The following COL19A1 variants were observed in gnomAD, a reference collection of about 807,000 sequenced individuals.
COL19A1 encodes the protein collagen alpha-1(XIX) chain.
A neutral mutation model predicts 190.2 loss-of-function variants in COL19A1; 159 were observed. That is an observed-to-expected ratio of 0.84 (90% CI 0.73 to 0.95). The LOEUF (loss-of-function observed/expected upper bound fraction) is 0.95, where lower values mean the gene tolerates loss of function less well. COL19A1 is among the 40% of genes least tolerant of loss of function. The pLI is 0.00. For synonymous variants in COL19A1, 509 were observed against 458.9 expected (o/e 1.11, Z -1.39); for missense variants, 1,418 against 1,431.9 (o/e 0.99, Z 0.16).
chr6:69,907,115 T>A lies in COL19A1; in HGVS notation c.266+6777T>A, dbSNP rs896728715. On this transcript the variant is annotated intron_variant, in intron 4 of 50. Coordinates refer to ENST00000620364, the MANE Select transcript of COL19A1 (RefSeq NM_001858.6). The stretch of plus-strand genomic sequence containing the variant: ...AGATTATTATTATTATTATTTTTTT[T>A]TTTTTTTTTTTTTGAGACGGAGTCT... 3.4e-3 allele frequency among the ~76,000 whole-genome samples: 495 copies of A among 146,790 alleles called. 2 individuals carry two copies. The highest frequency in any genetic ancestry group is 4.4e-3 in the Non-Finnish European group (294 of 66,266).
At chr6:69,919,897 A>G (rs1355321361) in intron 4 of COL19A1, among the ~76,000 whole-genome samples, 1 of 152,120 alleles carries the variant, frequency 6.6e-6, no homozygotes, top group Non-Finnish European at 1.5e-5. Flanking sequence ...ATTTTTACCT[A>G]CCAAAATAGA....
At chr6:69,970,314 A>T (rs1030211489) in intron 11 of COL19A1, among the ~76,000 whole-genome samples, 1 of 152,206 alleles carries the variant, frequency 6.6e-6, no homozygotes, top group Non-Finnish European at 1.5e-5. Flanking sequence ...ACTGTGTCAA[A>T]ACATATTTTG....
Position 70,142,514 on chromosome 6 carries a change from C to G in COL19A1, c.1573-253C>G, listed in dbSNP as rs149089489. Among the ~76,000 whole-genome samples, 7 of 152,194 alleles carry G rather than the reference C, an allele frequency of 4.6e-5. No individual in the cohort carries two copies. In the East Asian group the frequency reaches 1.4e-3, roughly 29 times the overall value. On this transcript the variant is annotated intron_variant, in intron 22 of 50. Transcript: ENST00000620364. ...CAGGAGAAATTAATGTGGTGTACTC[C>G]CAGACAATGGGTAGGGCAAGTTACC...
chr6:70,037,982 C>T (rs1363234032), intron 14 of COL19A1, among the ~76,000 whole-genome samples: 1 of 152,108 alleles, frequency 6.6e-6, no homozygotes, highest in Admixed American at 6.6e-5. Flanking sequence ...GTATGCTTGA[C>T]ATTACTTTCT....
chr6:69,940,562 A>G (rs1299193523), intron 9 of COL19A1, among the ~76,000 whole-genome samples: 3 of 152,236 alleles, frequency 2.0e-5, no homozygotes, highest in Admixed American at 6.5e-5. Context: ...GTAACAATGC[A>G]TTATATGACT....
chr6:70,183,976 G>T (rs1430071508), intron 44 of COL19A1, among the ~76,000 whole-genome samples: 1 of 152,150 alleles, frequency 6.6e-6, no homozygotes, highest in African/African-American at 2.4e-5. Context: ...CCAGCCAATA[G>T]TTCTCTCAGT....
At chr6:69,956,980 A>C (rs1282248156) in intron 9 of COL19A1, among the ~76,000 whole-genome samples, 1 of 152,044 alleles carries the variant, frequency 6.6e-6, no homozygotes, top group Non-Finnish European at 1.5e-5. Context: ...GATAGTATGT[A>C]ACTTTCTACT....
intron 11 of COL19A1, among the ~76,000 whole-genome samples, chr6:69,999,917 A>C: frequency 6.6e-6 from 1 of 152,124 alleles, no homozygotes; most frequent in East Asian, 1.9e-4. Context: ...TTCAGGATAC[A>C]TGTACAGTAC....
At chr6:69,953,649 C>T (rs1229824286) in intron 9 of COL19A1, among the ~76,000 whole-genome samples, 1 of 151,992 alleles carries the variant, frequency 6.6e-6, no homozygotes, top group Non-Finnish European at 1.5e-5. Context: ...TCCACTCACA[C>T]CCCAAGTAGA....
At chr6:69,973,126 A>G (rs1013652591) in intron 11 of COL19A1, among the ~76,000 whole-genome samples, 3 of 152,214 alleles carry the variant, frequency 2.0e-5, no homozygotes, top group African/African-American at 7.2e-5. Flanking sequence ...GTTTCTCCTT[A>G]GTCAGTGCTG....
chr6:70,120,506 T>C (rs766096370), intron 16 of COL19A1, among the ~76,000 whole-genome samples: 8 of 152,182 alleles, frequency 5.3e-5, no homozygotes, highest in Non-Finnish European at 8.8e-5. Flanking sequence ...CAATGATTGC[T>C]TTCTTTCTTT....
intron 31 of COL19A1, among the ~76,000 whole-genome samples, chr6:70,154,837 G>A (rs546386660): frequency 1.2e-3 from 186 of 152,274 alleles, no homozygotes; most frequent in Middle Eastern, 0.01. Context: ...ATCCAGCACA[G>A]GAGAAAGATG....
chr6:70,146,339 A>T (rs1343420588), intron 25 of COL19A1, among the ~76,000 whole-genome samples: 3 of 152,186 alleles, frequency 2.0e-5, no homozygotes, highest in Admixed American at 2.0e-4. Context: ...GACTGCCGGA[A>T]AATCTAAATA....
Position 69,968,602 on chromosome 6 carries a change from A to T in COL19A1, c.1026+5732A>T, listed in dbSNP as rs556547448. On this transcript the variant is annotated intron_variant, in intron 11 of 50. Transcript: ENST00000620364. ...ATAGTAACTCAGAAAATCAATAGTGATCATTTGCTACTAGAAACAACAGTT... is the reference window on the plus strand; with the variant it reads ...ATAGTAACTCAGAAAATCAATAGTGTTCATTTGCTACTAGAAACAACAGTT... 2.6e-5 allele frequency among the ~76,000 whole-genome samples: 4 copies of T among 152,296 alleles called. No individual in the cohort carries two copies. The South Asian group carries it at 8.3e-4, about 32-fold the overall frequency.
intron 2 of COL19A1, among the ~76,000 whole-genome samples, chr6:69,888,446 G>T (rs1026260372): frequency 3.9e-5 from 6 of 151,996 alleles, no homozygotes; most frequent in Non-Finnish European, 8.8e-5. Flanking sequence ...CATTTAAGGG[G>T]ACTGTCCTCT....
intron 34 of COL19A1, 112 bp downstream of exon 34, chr6:70,156,835 A>C (rs1787471710): frequency 1.5e-6 from 1 of 677,284 alleles, no homozygotes; most frequent in South Asian, 3.1e-5. Flanking sequence ...ATAACCAATA[A>C]AAACAAAGAC....
Position 70,137,667 on chromosome 6 carries a change from T to C in COL19A1, c.1384-18T>C. ...CTCTAACCATCTGCAAAATCTCTCT[T>C]CTGCTTTGTCTTGAAAGGGTGAAAC... is the stretch of plus-strand genomic sequence containing the variant. On this transcript the variant is annotated intron_variant, in intron 18 of 50. Transcript: ENST00000620364. 1.2e-6 allele frequency: 2 copies of C among 1,612,810 alleles called. No homozygotes were observed. The highest frequency in any genetic ancestry group is 1.1e-5 in the South Asian group (1 of 90,960).
intron 34 of COL19A1, among the ~76,000 whole-genome samples, chr6:70,157,128 A>T (rs1787489986): frequency 6.6e-6 from 1 of 152,138 alleles, no homozygotes; most frequent in African/African-American, 2.4e-5. Context: ...AGAACCCAGC[A>T]GAGCTTCCCT....
chr6:70,057,206 A>G (rs1443907276), intron 14 of COL19A1, among the ~76,000 whole-genome samples: 1 of 152,156 alleles, frequency 6.6e-6, no homozygotes, highest in Non-Finnish European at 1.5e-5. Flanking sequence ...GACTATTATC[A>G]TCATCAGACA....
Sources: allele counts gnomAD v4.1 joint callset (sites outside exome capture counted in the v4.1 genomes callset), GRCh38; gene constraint gnomAD v4.1.1; transcripts MANE v1.5; gene names NCBI Gene and HGNC (gene_info 2026-07-23, HGNC 2026-07-21).